Variants in CD36 observed in about 807,000 individuals in gnomAD.
CD36 encodes CD36 molecule (CD36 blood group), also known as platelet glycoprotein 4.
A neutral mutation model predicts 55.2 loss-of-function variants in CD36; 119 were observed. The observed-to-expected ratio is 2.15, with a 90% CI of 1.86 to 2.51. The LOEUF is 2.51. Among genes scored for constraint, CD36 ranks in the 30% most tolerant of loss-of-function variants. The pLI is 0.00. For synonymous variants in CD36, 186 were observed against 193.6 expected (o/e 0.96, Z 0.33); for missense variants, 819 against 555.5 (o/e 1.47, Z -4.77).
At chr7:80,668,306 C>T (rs1797314976) in intron 8 of CD36, among the ~76,000 whole-genome samples, 1 of 151,956 alleles carries the variant, frequency 6.6e-6, no homozygotes, top group Admixed American at 6.6e-5. Context: ...TTAAAAATAT[C>T]TATGGGGAAA....
Position 80,664,453 on chromosome 7 carries a change from T to G in CD36, c.657T>G (p.Asp219Glu), listed in dbSNP as rs150697646. ...DGVYKVFNGKDNISKVAIIDT... is the reference protein window; with the variant it reads ...DGVYKVFNGKENISKVAIIDT... ...TTTATAAAGTTTTCAATGGAAAAGA[T>G]AACATAAGTAAAGTTGCCATAATCG... The change falls in exon 7 of 15, where the codon GAT (aspartate) becomes GAG (glutamate). Residue 219 changes from aspartate to glutamate, a missense_variant. Coordinates refer to ENST00000447544, the MANE Select transcript of CD36 (RefSeq NM_001001548.3). 1 of 1,583,102 alleles carries G rather than the reference T, an allele frequency of 6.3e-7. No individual in the cohort carries two copies. The highest frequency in any genetic ancestry group is 8.7e-7 in the Non-Finnish European group (1 of 1,152,040).
At chr7:80,612,898 T>C (rs917869011) in intron 1 of CD36, among the ~76,000 whole-genome samples, 1 of 152,152 alleles carries the variant, frequency 6.6e-6, no homozygotes, top group Non-Finnish European at 1.5e-5. Flanking sequence ...AGATAAACTT[T>C]CATCATAAGC....
At chr7:80,626,782 CTTTG>C (rs1208903239) in intron 1 of CD36, among the ~76,000 whole-genome samples, 1 of 151,962 alleles carries the variant, frequency 6.6e-6, no homozygotes, top group Non-Finnish European at 1.5e-5. Context: ...TATTCTCAAC[CTTTG>C]TTTGAGTATT....
In CD36 at chr7:80,604,350, A is replaced by ATTTTTTTTTTTTTTTTTTTT. The variant is rs67213422; in HGVS notation, c.-184+1992_-184+2011dup. Among the ~76,000 whole-genome samples the ATTTTTTTTTTTTTTTTTTTT allele has an allele frequency of 2.2e-4, 12 of 54,296 alleles. 1 individual carries two copies. The highest frequency in any genetic ancestry group is 3.9e-4 in the East Asian group (1 of 2,564). The allele number at this position is 54,296 out of a possible 152,430, so 35.6% of individuals were successfully genotyped here. A position where few individuals can be genotyped will look rare whatever the true frequency, so the allele number is the denominator to read the frequency against. Reference sequence around the variant, plus strand: ...TACAGTAATTGGCTAAGCCACTGGAATTTTTTTTTTTTTTTTTTTTTTTTT... The same window carrying ATTTTTTTTTTTTTTTTTTTT: ...TACAGTAATTGGCTAAGCCACTGGAATTTTTTTTTTTTTTTTTTTTTTTTTTTTTTTTTTTTTTTTTTTTT... On this transcript the variant is annotated intron_variant, in intron 1 of 13. Coordinates refer to the CD36 transcript ENST00000309881.
Position 80,611,208 on chromosome 7 carries a change from T to TGAG in CD36, c.-184+8830_-184+8832dup, listed in dbSNP as rs574994051. On this transcript the variant is annotated intron_variant, in intron 1 of 13. Transcript: ENST00000309881. The stretch of plus-strand genomic sequence containing the variant: ...TTGAACAAAATTATAATAAAGCTCT[T>TGAG]GAGTGTTTTGTGGCCTTTCAGCAGA... Among the ~76,000 whole-genome samples, 540 of 152,254 alleles carry TGAG rather than the reference T, an allele frequency of 3.5e-3. 3 individuals are homozygous for TGAG. Among genetic ancestry groups the TGAG allele is most frequent in the African/African-American group, 0.012 (515 of 41,564 alleles).
At chr7:80,654,436 G>A (rs1043485395) in intron 3 of CD36, among the ~76,000 whole-genome samples, 3 of 152,150 alleles carry the variant, frequency 2.0e-5, no homozygotes, top group Admixed American at 2.0e-4. Flanking sequence ...TTCTAATAGT[G>A]TGAGGAGAAT....
intron 3 of CD36, among the ~76,000 whole-genome samples, chr7:80,654,041 A>C (rs1193629667): frequency 6.6e-6 from 1 of 152,192 alleles, no homozygotes; most frequent in African/African-American, 2.4e-5. Context: ...CCTGATTCTA[A>C]CAGTTGATAA....
chr7:80,648,190 G>A (rs1795314362), intron 3 of CD36, among the ~76,000 whole-genome samples: 1 of 152,034 alleles, frequency 6.6e-6, no homozygotes, highest in South Asian at 2.1e-4. Flanking sequence ...GAGGTGTGGG[G>A]CTTATCTAAT....
chr7:80,650,119 A>G (rs772031962), intron 3 of CD36, among the ~76,000 whole-genome samples: 1 of 152,088 alleles, frequency 6.6e-6, no homozygotes, highest in Non-Finnish European at 1.5e-5. Flanking sequence ...TTCCTAGTGT[A>G]GATTCAAACT....
chr7:80,630,398 C>T (rs1283235308), intron 1 of CD36, among the ~76,000 whole-genome samples: 1 of 151,712 alleles, frequency 6.6e-6, no homozygotes, highest in Non-Finnish European at 1.5e-5. Context: ...ATACCTAAAA[C>T]CAGGTACCAT....
At position 80,677,987 on chromosome 7, in the gene CD36, C is replaced by G. The variant is rs984955425; in HGVS notation, c.*1604C>G. On this transcript the variant is annotated 3_prime_UTR_variant, in exon 15 of 15. Coordinates refer to ENST00000447544, the MANE Select transcript of CD36 (RefSeq NM_001001548.3). ...TGTAAAAGGAATATAAGAGGAAAGACAATTCATATACAAAGACAACGAGAT... is the reference window on the plus strand; with the variant it reads ...TGTAAAAGGAATATAAGAGGAAAGAGAATTCATATACAAAGACAACGAGAT... 1 of 151,920 alleles carries G rather than the reference C, an allele frequency of 6.6e-6. No individual in the cohort carries two copies. Among genetic ancestry groups the G allele is most frequent in the Non-Finnish European group, 1.5e-5 (1 of 67,986 alleles). The allele number at this position is 151,920 out of a possible 1,614,324, so 9.4% of individuals were successfully genotyped here.
chr7:80,615,351 A>G (rs1382645056), intron 1 of CD36, among the ~76,000 whole-genome samples: 2 of 152,158 alleles, frequency 1.3e-5, no homozygotes, highest in East Asian at 3.9e-4. Context: ...AATATCATGC[A>G]GGGGGCTTCA....
At chr7:80,608,259 T>C (rs1406564387) in intron 1 of CD36, among the ~76,000 whole-genome samples, 4 of 152,204 alleles carry the variant, frequency 2.6e-5, no homozygotes, top group Non-Finnish European at 4.4e-5. Context: ...ATGTGGTACC[T>C]GCAAAGCACT....
chr7:80,655,452 A>G (rs1013839540), intron 3 of CD36, among the ~76,000 whole-genome samples: 2 of 152,124 alleles, frequency 1.3e-5, no homozygotes, highest in African/African-American at 4.8e-5. Flanking sequence ...TCGAGTTCCT[A>G]ATGTAGGATT....
intron 4 of CD36, among the ~76,000 whole-genome samples, chr7:80,658,810 T>C (rs1796294781): frequency 6.6e-6 from 1 of 152,220 alleles, no homozygotes; most frequent in South Asian, 2.1e-4. Context: ...TTTTCACTTT[T>C]AAATATATTA....
At chr7:80,607,076 A>G (rs930960330) in intron 1 of CD36, among the ~76,000 whole-genome samples, 1 of 152,172 alleles carries the variant, frequency 6.6e-6, no homozygotes, top group African/African-American at 2.4e-5. Context: ...TAAGAGGCAA[A>G]CAGGATGCTT....
At position 80,673,409 on chromosome 7, in the gene CD36, G is replaced by A. The variant is rs758368075; in HGVS notation, c.1254G>A (p.Glu418=). 9.6e-6 allele frequency: 15 copies of A among 1,559,962 alleles called. No individual in the cohort carries two copies. The Middle Eastern group carries it at 8.4e-4, about 88-fold the overall frequency. The change falls in exon 13 of 15, where the codon GAG becomes GAA. Residue 418 remains glutamate (E), a splice_region_variant and synonymous_variant. Transcript: ENST00000447544. Reference sequence around the variant, plus strand: ...TTGTGCCTATTCTTTGGCTTAATGAGGTTTGTATTTGCAGCTGTTAGTCAT... The same window carrying A: ...TTGTGCCTATTCTTTGGCTTAATGAAGTTTGTATTTGCAGCTGTTAGTCAT... ...NYIVPILWLN[E]TGTIGDEKAN... is the part of the protein sequence containing the mutation.
At chr7:80,644,370 A>G (rs1795009453) in intron 1 of CD36, among the ~76,000 whole-genome samples, 1 of 152,206 alleles carries the variant, frequency 6.6e-6, no homozygotes. Flanking sequence ...AAATGACACT[A>G]AAGAACTAGT....
intron 4 of CD36, among the ~76,000 whole-genome samples, chr7:80,659,626 G>A (rs1256591101): frequency 6.6e-6 from 1 of 151,946 alleles, no homozygotes; most frequent in African/African-American, 2.4e-5. Flanking sequence ...TCTAAAGGCA[G>A]GGCTGTTTTA....
Sources: allele counts gnomAD v4.1 joint callset (sites outside exome capture counted in the v4.1 genomes callset), GRCh38; gene constraint gnomAD v4.1.1; transcripts MANE v1.5; gene names NCBI Gene and HGNC (gene_info 2026-07-23, HGNC 2026-07-21).